Variants in RERE observed in about 807,000 individuals in gnomAD.
RERE encodes the protein arginine-glutamic acid dipeptide repeats protein.
Under a neutral mutation model 146.1 loss-of-function variants are expected in RERE, and 40 were observed. The observed-to-expected ratio is 0.27, with a 90% CI of 0.21 to 0.36. RERE has a LOEUF of 0.36. Among genes scored for constraint, RERE ranks in the 10% least tolerant of loss-of-function variants. The pLI is 1.00. For missense variants in RERE, 1,933 were observed against 2,138.7 expected (o/e 0.90, Z 1.90); for synonymous variants, 1,003 against 866.0 (o/e 1.16, Z -2.78).
At position 8,671,356 on chromosome 1, in the gene RERE, G is replaced by A. The variant is rs541858159; in HGVS notation, c.-144-14915C>T. 3.2e-4 allele frequency among the ~76,000 whole-genome samples: 48 copies of A among 152,316 alleles called. 1 individual carries two copies. In the Middle Eastern group the frequency reaches 0.014, roughly 43 times the overall value. Reference sequence around the variant, plus strand: ...ACACTTTTTTATTCACAGAGAAGCCGTCTACATAGGAAACGGGTGCCTATG... The same window carrying A: ...ACACTTTTTTATTCACAGAGAAGCCATCTACATAGGAAACGGGTGCCTATG... On this transcript the variant is annotated intron_variant, in intron 1 of 22. Transcript: ENST00000400908.
intron 8 of RERE, among the ~76,000 whole-genome samples, chr1:8,504,847 C>T (rs1021092826): frequency 1.3e-5 from 2 of 150,756 alleles, no homozygotes; most frequent in African/African-American, 2.4e-5. Context: ...AGTGAGACTC[C>T]GTCTCAAAAA....
At chr1:8,683,431 A>G (rs948013231) in intron 1 of RERE, among the ~76,000 whole-genome samples, 1 of 152,126 alleles carries the variant, frequency 6.6e-6, no homozygotes, top group Non-Finnish European at 1.5e-5. Flanking sequence ...TGCTAAAGAG[A>G]AAAGACGGGG....
At chr1:8,506,685 G>A (rs11803214) in intron 8 of RERE, among the ~76,000 whole-genome samples, 4,281 of 152,206 alleles carry the variant, frequency 0.028, 170 homozygotes, top group African/African-American at 0.097. Flanking sequence ...ATAGACACAT[G>A]ACCCAATCCA....
chr1:8,515,566 G>A (rs540226121), intron 7 of RERE, among the ~76,000 whole-genome samples: 4 of 152,144 alleles, frequency 2.6e-5, no homozygotes, highest in Admixed American at 6.5e-5. Flanking sequence ...GGGAGGCAGC[G>A]GTTGCAGTGA....
chr1:8,572,287 T>C (rs1298044146), intron 4 of RERE, among the ~76,000 whole-genome samples: 1 of 152,242 alleles, frequency 6.6e-6, no homozygotes, highest in Non-Finnish European at 1.5e-5. Flanking sequence ...TTTGCTGTGA[T>C]GAAAAGGCTT....
intron 4 of RERE, among the ~76,000 whole-genome samples, chr1:8,563,061 G>A (rs1646097847): frequency 6.6e-6 from 1 of 152,136 alleles, no homozygotes; most frequent in African/African-American, 2.4e-5. Context: ...AACAGGCAAG[G>A]CCAAGAAAAA....
At chr1:8,548,715 T>C (rs945995844) in intron 6 of RERE, among the ~76,000 whole-genome samples, 1 of 152,244 alleles carries the variant, frequency 6.6e-6, no homozygotes, top group Non-Finnish European at 1.5e-5. Flanking sequence ...CCAGGCCCAG[T>C]GGCTCACGCC....
At chr1:8,399,274 T>G (rs991862499) in intron 12 of RERE, among the ~76,000 whole-genome samples, 2 of 152,162 alleles carry the variant, frequency 1.3e-5, no homozygotes, top group African/African-American at 4.8e-5. Flanking sequence ...TTTTGTACTA[T>G]TTCTTATAAA....
chr1:8,356,794 C>T lies in RERE; in HGVS notation c.4340-548G>A, dbSNP rs1476836364. 6.6e-6 allele frequency among the ~76,000 whole-genome samples: 1 copy of T among 152,152 alleles called. No individual in the cohort carries two copies. The highest frequency in any genetic ancestry group is 1.5e-5 in the Non-Finnish European group (1 of 68,018). ...CCTTCAGAACGTTGCCTTGATCTGA[C>T]CTCACTGCACCACCTCCTGCCCTCA... On this transcript the variant is annotated intron_variant, in intron 20 of 22. Coordinates refer to ENST00000400908, the MANE Select transcript of RERE (RefSeq NM_001042681.2). This position sits in a 1 kb window ranked among gnomAD's most constrained non-coding sequence, Gnocchi z 5.2.
intron 1 of RERE, among the ~76,000 whole-genome samples, chr1:8,656,947 C>G (rs1487154293): frequency 1.3e-5 from 2 of 152,074 alleles, no homozygotes; most frequent in Non-Finnish European, 2.9e-5. Flanking sequence ...GATCCCATCT[C>G]CAACATAAAA....
chr1:8,488,818 A>T (rs1644938575), intron 10 of RERE, among the ~76,000 whole-genome samples: 1 of 152,220 alleles, frequency 6.6e-6, no homozygotes, highest in South Asian at 2.1e-4. Context: ...AAGTTTTTCC[A>T]ACCAATATTG....
At position 8,365,913 on chromosome 1, in the gene RERE, G is replaced by A; in HGVS notation, c.1346C>T (p.Ala449Val). The change falls in exon 13 of 23, where the codon GCC becomes GTC. Residue 449 changes from alanine (A) to valine (V), a missense_variant. Ala to Val is a moderately conservative substitution (Grantham distance 64, BLOSUM62 0). Around this residue, in one of 11 missense-constraint regions of RERE, gnomAD observed 260 missense variants for 378.4 expected, o/e 0.69. Coordinates refer to ENST00000400908, the MANE Select transcript of RERE (RefSeq NM_001042681.2). ...KKTPEAASSR[A>V]HRRHRRQAVF... ...GGCCTGCCTGCGGTGCCTACGATGGGCTCGGGAGCTGGCTGCTTCGGGGGT... is the reference window on the plus strand; with the variant it reads ...GGCCTGCCTGCGGTGCCTACGATGGACTCGGGAGCTGGCTGCTTCGGGGGT... 1 of 1,614,164 alleles carries A rather than the reference G, an allele frequency of 6.2e-7. No individual in the cohort carries two copies. The highest frequency in any genetic ancestry group is 1.1e-5 in the South Asian group (1 of 91,080).
At chr1:8,365,537 C>T (rs1054907198) in intron 13 of RERE, among the ~76,000 whole-genome samples, 17 of 152,184 alleles carry the variant, frequency 1.1e-4, no homozygotes, top group African/African-American at 3.4e-4. Context: ...CAGGCCAAGA[C>T]GTGTATTTTT....
intron 1 of RERE, among the ~76,000 whole-genome samples, chr1:8,730,406 G>A (rs1557508298): frequency 6.6e-6 from 1 of 151,902 alleles, no homozygotes; most frequent in Non-Finnish European, 1.5e-5. Flanking sequence ...GCAGTGGCGC[G>A]ATCTCGGCTC....
chr1:8,360,657 G>A lies in RERE; in HGVS notation c.2850C>T (p.His950=). 1.3e-6 allele frequency: 2 copies of A among 1,537,246 alleles called. No individual in the cohort carries two copies. The highest frequency in any genetic ancestry group is 1.7e-6 in the Non-Finnish European group (2 of 1,143,372). The change falls in exon 18 of 23, where the codon CAC becomes CAT. Residue 950 remains histidine, a synonymous_variant. Transcript: ENST00000400908. ...TGGAGAAGGGTGAGGGCCCCGAGAG[G>A]TGGGGAGGGTGCTTGTGGGCCTGTG... ...PAPQAHKHPP[H]LSGPSPFSMN... is the part of the protein sequence containing the mutation.
intron 1 of RERE, among the ~76,000 whole-genome samples, chr1:8,796,978 C>CT (rs1317865815): frequency 1.3e-5 from 2 of 152,072 alleles, no homozygotes; most frequent in Non-Finnish European, 2.9e-5. Context: ...GTGATAGGAC[C>CT]TACTACTCTG....
At chr1:8,683,923 C>G (rs912211042) in intron 1 of RERE, among the ~76,000 whole-genome samples, 1 of 152,170 alleles carries the variant, frequency 6.6e-6, no homozygotes, top group Non-Finnish European at 1.5e-5. Context: ...GCCCAGGCAA[C>G]AAGGGAGAAA....
intron 1 of RERE, among the ~76,000 whole-genome samples, chr1:8,705,756 A>G (rs1639545185): frequency 6.6e-6 from 1 of 152,172 alleles, no homozygotes. Context: ...CTCACTCCAT[A>G]TATTCTCTGC....
chr1:8,546,604 T>C (rs1240000805), intron 6 of RERE, among the ~76,000 whole-genome samples: 1 of 151,934 alleles, frequency 6.6e-6, no homozygotes, highest in East Asian at 1.9e-4. Flanking sequence ...TTCCAGCACT[T>C]TGGGAGGTCG....
Sources: gnomAD v4.1 joint callset for allele counts (sites outside exome capture counted in the v4.1 genomes callset) on GRCh38, gnomAD v4.1.1 for gene constraint, gnomAD v4.1.1 regional missense constraint, Gnocchi (gnomAD v3.1) non-coding constraint, MANE v1.5 for transcripts, NCBI Gene and HGNC (gene_info 2026-07-23, HGNC 2026-07-21) for gene names.